Variants in SLFN13 observed in about 807,000 individuals in gnomAD.
SLFN13 encodes the protein schlafen-13.
Under a neutral mutation model 50.6 loss-of-function variants are expected in SLFN13, and 43 were observed. The observed-to-expected ratio is 0.85, with a 90% CI of 0.67 to 1.09. SLFN13 has a LOEUF of 1.09. Among genes scored for constraint, SLFN13 ranks in the 50% least tolerant of loss-of-function variants. The probability of loss-of-function intolerance (pLI) is 0.00; values close to 1 mark genes in which losing one functional copy is unlikely to be tolerated. For missense variants in SLFN13, 881 were observed against 1,071.1 expected, an observed-to-expected ratio of 0.82 and a Z score of 2.48; for synonymous variants, 339 against 386.5, an observed-to-expected ratio of 0.88 and a Z score of 1.44.
chr17:35,442,641 C>G (rs1257461022), intron 4 of SLFN13, among the ~76,000 whole-genome samples: 1 of 152,084 alleles, frequency 6.6e-6, no homozygotes, highest in Non-Finnish European at 1.5e-5. Flanking sequence ...GACAGGGTTT[C>G]CCCATGTTGG....
At chr17:35,449,106 A>T (rs927072122), upstream of SLFN13, among the ~76,000 whole-genome samples, 1 of 151,956 alleles carries the variant, frequency 6.6e-6, no homozygotes, top group African/African-American at 2.4e-5. Context: ...GCGCGCCTGT[A>T]GACTCAAATG....
Position 35,447,773 on chromosome 17 carries a change from T to G in SLFN13, c.-160-359A>C, listed in dbSNP as rs573724772. ...TAGCAGCTCTGTATTTTACAGACGT[T>G]GGGAGGGAGACATTTTTCTCATTTC... On this transcript the variant is annotated intron_variant, in intron 1 of 5. Transcript: ENST00000285013. Among the ~76,000 whole-genome samples, 4 of 152,306 alleles carry G rather than the reference T, an allele frequency of 2.6e-5. No individual in the cohort carries two copies. In the South Asian group the frequency reaches 8.3e-4, roughly 32 times the overall value.
In SLFN13 at chr17:35,440,536, A is replaced by G. The variant is rs1334292617; in HGVS notation, c.*59T>C. 1 of 1,568,592 alleles carries G rather than the reference A, an allele frequency of 6.4e-7. No homozygotes were observed. The highest frequency in any genetic ancestry group is 8.7e-7 in the Non-Finnish European group (1 of 1,148,868). Reference sequence around the variant, plus strand: ...AAAGAAAGGTTTCTACCATCAGCAGACTGTCACCCATAGACATTTACACAG... The same window carrying G: ...AAAGAAAGGTTTCTACCATCAGCAGGCTGTCACCCATAGACATTTACACAG... On this transcript the variant is annotated 3_prime_UTR_variant, in exon 6 of 6. Coordinates refer to ENST00000285013, the MANE Select transcript of SLFN13 (RefSeq NM_144682.6).
Position 35,441,585 on chromosome 17 carries a change from G to A in SLFN13, c.1900C>T (p.Gln634Ter), listed in dbSNP as rs571854442. Residue 634 changes from glutamine (Q) to a stop codon, truncating the protein, a stop_gained, in exon 5 of 6, where the codon CAG becomes TAG. Coordinates refer to ENST00000285013, the MANE Select transcript of SLFN13 (RefSeq NM_144682.6). LOFTEE classifies it low-confidence loss of function (END_TRUNC). ...AHRILYVCENQPLRNFISDRN... is the reference protein window; with the variant it reads ...AHRILYVCEN ...TACCTGATAAAGTTCCTCAGAGGCT[G>A]GTTTTCACAAACGTAGAGAATTCTG... 1 of 1,604,746 alleles carries A rather than the reference G, an allele frequency of 6.2e-7. No homozygotes were observed. Among genetic ancestry groups the A allele is most frequent in the Non-Finnish European group, 8.5e-7 (1 of 1,177,904 alleles).
chr17:35,444,633 T>A lies in SLFN13; in HGVS notation c.1048A>T (p.Met350Leu), dbSNP rs754589690. Residue 350 changes from methionine to leucine, a missense_variant, in exon 3 of 6, where the codon ATG becomes TTG. Transcript: ENST00000285013. ...PLTTEEWVEK[M>L]MDADPEFPPD... Reference sequence around the variant, plus strand: ...CTCTTACCTGGATCTGCGTCCATCATTTTCTCTACCCATTCCTCAGTTGTC... The same window carrying A: ...CTCTTACCTGGATCTGCGTCCATCAATTTCTCTACCCATTCCTCAGTTGTC... The A allele has an allele frequency of 6.2e-7, 1 of 1,613,968 alleles. No individual in the cohort carries two copies. The highest frequency in any genetic ancestry group is 8.5e-7 in the Non-Finnish European group (1 of 1,179,848).
rs1173056072 is a variant in SLFN13 at position 35,440,454 on chromosome 17, G to A, written c.*141C>T. 2 of 1,015,004 alleles carry A rather than the reference G, an allele frequency of 2.0e-6. No individual in the cohort carries two copies. Among genetic ancestry groups the A allele is most frequent in the African/African-American group, 3.3e-5 (2 of 61,426 alleles). The allele number at this position is 1,015,004 out of a possible 1,614,324, so 62.9% of individuals were successfully genotyped here. A position where few individuals can be genotyped will look rare whatever the true frequency, so the allele number is the denominator to read the frequency against. ...CCTGAAAGGAGAGCCAGAAATGGGG[G>A]AGCTCCAAACTCTTTGTGTCAGCTC... is the stretch of plus-strand genomic sequence containing the variant. On this transcript the variant is annotated 3_prime_UTR_variant, in exon 6 of 6. Transcript: ENST00000285013.
Position 35,443,769 on chromosome 17 carries a change from TA to T in SLFN13, c.1198+19del, listed in dbSNP as rs1271600374. ...TAAATGACTTCCTTCTCTCCTGATG[TA>T]AAAACTGGCAGTCAGTACCTGGAAA... is the stretch of plus-strand genomic sequence containing the variant. On this transcript the variant is annotated intron_variant, in intron 4 of 5. Transcript: ENST00000285013. 2 of 1,602,242 alleles carry T rather than the reference TA, an allele frequency of 1.2e-6. No individual in the cohort carries two copies. The highest frequency in any genetic ancestry group is 3.4e-5 in the Admixed American group (2 of 59,260).
In SLFN13 at chr17:35,440,767, G is replaced by C; in HGVS notation, c.2522C>G (p.Ala841Gly). ...RKKMVVQLSD[A>G]CDMLGVHIVL... is the part of the protein sequence containing the mutation. ...AATGTGCACACCCAACATATCACAT[G>C]CATCACTGAGCTGCACCACCATTTT... Residue 841 changes from alanine (A) to glycine (G), a missense_variant, in exon 6 of 6, where the codon GCA (alanine) becomes GGA (glycine). By Grantham distance (60) the Ala-to-Gly change is moderately conservative. This residue lies in a region of SLFN13 where 322 missense variants were observed against 327.4 expected (regional missense o/e 0.98). Coordinates refer to ENST00000285013, the MANE Select transcript of SLFN13 (RefSeq NM_144682.6). The C allele has an allele frequency of 6.2e-7, 1 of 1,614,054 alleles. No homozygotes were observed. The highest frequency in any genetic ancestry group is 8.5e-7 in the Non-Finnish European group (1 of 1,180,012).
rs1020811430 is a variant in SLFN13 at position 35,444,602 on chromosome 17, G to A, written c.1066+13C>T. 6.2e-7 allele frequency: 1 copy of A among 1,607,244 alleles called. No individual in the cohort carries two copies. The highest frequency in any genetic ancestry group is 1.3e-5 in the African/African-American group (1 of 74,898). ...TAGAAAGGTCAGGAAGGGAGAATCT[G>A]GTTCCCTCTTACCTGGATCTGCGTC... On this transcript the variant is annotated intron_variant, in intron 3 of 5. Coordinates refer to ENST00000285013, the MANE Select transcript of SLFN13 (RefSeq NM_144682.6).
chr17:35,449,452 G>A (rs1166118996), upstream of SLFN13, among the ~76,000 whole-genome samples: 1 of 151,878 alleles, frequency 6.6e-6, no homozygotes, highest in East Asian at 1.9e-4. Context: ...CACTGCAACT[G>A]CCCATACCCC....
Position 35,445,356 on chromosome 17 carries a change from CA to C in SLFN13, c.324del (p.Phe108LeufsTer38). 1 of 1,613,740 alleles carries C rather than the reference CA, an allele frequency of 6.2e-7. No homozygotes were observed. Among genetic ancestry groups the C allele is most frequent in the Non-Finnish European group, 8.5e-7 (1 of 1,179,932 alleles). On this transcript the variant is annotated frameshift_variant, in exon 3 of 6. Transcript: ENST00000285013. LOFTEE classifies it high-confidence loss of function. ...AAAGGATCACCACTCCAAGATTTAA[CA>C]AAAATATAAAAACACCTTCCGTGTT... ...TKQHGRCFYI[F>X]VKSWSGDPFL...
chr17:35,440,814 C>T lies in SLFN13; in HGVS notation c.2475G>A (p.Lys825=). Reference sequence around the variant, plus strand: ...TTTTCTTCCTCATTGCTTTCAAGAGCTTAGACTGATACTGCTCCACTTCTG... The same window carrying T: ...TTTTCTTCCTCATTGCTTTCAAGAGTTTAGACTGATACTGCTCCACTTCTG... The part of the protein sequence containing the change: ...TVTEVEQYQS[K]LLKAMRKKMV... The change falls in exon 6 of 6, where the codon AAG becomes AAA. Residue 825 remains lysine (K), a synonymous_variant. Coordinates refer to ENST00000285013, the MANE Select transcript of SLFN13 (RefSeq NM_144682.6). 6.2e-7 allele frequency: 1 copy of T among 1,614,138 alleles called. No individual in the cohort carries two copies. The highest frequency in any genetic ancestry group is 8.5e-7 in the Non-Finnish European group (1 of 1,180,020).
In SLFN13 at chr17:35,435,522, G is replaced by C. The variant is rs746564117; in HGVS notation, c.*5073C>G. ...TTGTCTCTAACCCCTGGGCTCAAGT[G>C]ATTCTCCTGCCTTGGCCTCTGGAAG... On this transcript the variant is annotated 3_prime_UTR_variant, in exon 6 of 6. Coordinates refer to ENST00000285013, the MANE Select transcript of SLFN13 (RefSeq NM_144682.6). The C allele has an allele frequency of 6.6e-6, 1 of 152,058 alleles. No homozygotes were observed. Among genetic ancestry groups the C allele is most frequent in the Non-Finnish European group, 1.5e-5 (1 of 68,020 alleles). The allele number at this position is 152,058 out of a possible 1,614,324, so 9.4% of individuals were successfully genotyped here.
Position 35,438,135 on chromosome 17 carries a change from T to G in SLFN13, c.*2460A>C, listed in dbSNP as rs1037240967. On this transcript the variant is annotated 3_prime_UTR_variant, in exon 6 of 6. Transcript: ENST00000285013. ...AAAAAAAAAAAAAAAAAATTTACAG[T>G]TAATCTTGCTTAATCTTTTACTGGC... The G allele has an allele frequency of 1.0e-4, 15 of 150,116 alleles. No individual in the cohort carries two copies. The highest frequency in any genetic ancestry group is 2.7e-4 in the African/African-American group (11 of 40,884). 9.3% of individuals were successfully genotyped at this position (150,116 alleles called of 1,614,324 possible).
rs1391301043 is a variant in SLFN13 at position 35,445,061 on chromosome 17, G to A, written c.620C>T (p.Pro207Leu). ...TTTAAACTCTATGGATGGAGACTCAGGAAAAGATAGGATTTCACCATATTC... is the reference window on the plus strand; with the variant it reads ...TTTAAACTCTATGGATGGAGACTCAAGAAAAGATAGGATTTCACCATATTC... ...TIEYGEILSF[P>L]ESPSIEFKQF... Residue 207 changes from proline (P) to leucine (L), a missense_variant, in exon 3 of 6, where the codon CCT (proline) becomes CTT (leucine). Pro to Leu is a moderately conservative substitution (Grantham distance 98, BLOSUM62 -3). Transcript: ENST00000285013. 6.2e-7 allele frequency: 1 copy of A among 1,613,972 alleles called. No individual in the cohort carries two copies. Among genetic ancestry groups the A allele is most frequent in the Non-Finnish European group, 8.5e-7 (1 of 1,180,014 alleles).
chr17:35,448,408 C>G (rs1913342212), intron 1 of SLFN13: 1 of 152,218 alleles, frequency 6.6e-6, no homozygotes, highest in Admixed American at 6.5e-5. Context: ...GCCAAGCCGC[C>G]GGCGACACCT....
At chr17:35,441,441 C>T in intron 5 of SLFN13, 75 bp from the exon 6 acceptor site, 2 of 1,577,958 alleles carry the variant, frequency 1.3e-6, no homozygotes, top group Non-Finnish European at 1.7e-6. Context: ...TCATGTTCCT[C>T]CGAGCACAGT....
chr17:35,449,312 T>G (rs1447576619), upstream of SLFN13, among the ~76,000 whole-genome samples: 1 of 151,974 alleles, frequency 6.6e-6, no homozygotes, highest in Non-Finnish European at 1.5e-5. Context: ...CTTAGTTCTT[T>G]CTTACTCCCC....
rs1361932776 is a variant in SLFN13 at position 35,441,128 on chromosome 17, G to A, written c.2161C>T (p.Gln721Ter). 3 of 1,614,018 alleles carry A rather than the reference G, an allele frequency of 1.9e-6. 1 individual carries two copies. The change falls in exon 6 of 6, where the codon CAG (glutamine) becomes TAG (stop). Residue 721 changes from glutamine to a stop codon, truncating the protein, a stop_gained. Coordinates refer to ENST00000285013, the MANE Select transcript of SLFN13 (RefSeq NM_144682.6). LOFTEE classifies it low-confidence loss of function (END_TRUNC). Reference protein sequence around the residue: ...GHSGLPPLSAQYPREELTRVV... With the variant: ...GHSGLPPLSA ...CTGGTGAGCTCTTCTCTTGGATACT[G>A]TGCTGAGAGAGGGGGAAGGCCACTG...
Sources: gnomAD v4.1 joint callset for allele counts (sites outside exome capture counted in the v4.1 genomes callset) on GRCh38, gnomAD v4.1.1 for gene constraint, gnomAD v4.1.1 regional missense constraint, MANE v1.5 for transcripts, NCBI Gene and HGNC (gene_info 2026-07-23, HGNC 2026-07-21) for gene names.